Variants in SHISAL2A observed in about 807,000 individuals in gnomAD.
The protein encoded by SHISAL2A is shisa like 2A.
Under a neutral mutation model 11.5 loss-of-function variants are expected in SHISAL2A, and 18 were observed. The observed-to-expected ratio is 1.57, with a 90% CI of 1.08 to 2.33. SHISAL2A has a LOEUF of 2.33. Ranked by LOEUF, SHISAL2A falls within the 30% of genes most tolerant of loss-of-function variation. The probability of loss-of-function intolerance (pLI) is 0.00; values close to 1 mark genes in which losing one functional copy is unlikely to be tolerated. For synonymous variants in SHISAL2A, 94 were observed against 99.6 expected, an observed-to-expected ratio of 0.94 and a Z score of 0.34; for missense variants, 261 against 250.9, an observed-to-expected ratio of 1.04 and a Z score of -0.27.
At chr1:52,652,386 A>G (rs1265022758) in intron 2 of SHISAL2A, among the ~76,000 whole-genome samples, 1 of 152,212 alleles carries the variant, frequency 6.6e-6, no homozygotes, top group Admixed American at 6.5e-5. Flanking sequence ...ACTCTGGGCC[A>G]TATTTCACTC....
intron 2 of SHISAL2A, among the ~76,000 whole-genome samples, chr1:52,647,094 A>G (rs1023540404): frequency 6.6e-6 from 1 of 152,114 alleles, no homozygotes; most frequent in Non-Finnish European, 1.5e-5. Flanking sequence ...TTGGCCTCCC[A>G]AAGTGCTGGG....
chr1:52,664,790 C>G (rs1691978182), intron 4 of SHISAL2A, among the ~76,000 whole-genome samples: 1 of 151,888 alleles, frequency 6.6e-6, no homozygotes, highest in Non-Finnish European at 1.5e-5. Flanking sequence ...GCCGCTGCAC[C>G]CCGGCTATTT....
intron 4 of SHISAL2A, among the ~76,000 whole-genome samples, chr1:52,663,039 G>A (rs1052174669): frequency 2.0e-5 from 3 of 152,134 alleles, no homozygotes; most frequent in African/African-American, 7.2e-5. Flanking sequence ...TAAACCTCCA[G>A]CTCCGGGTTC....
chr1:52,659,215 CCA>C (rs1691859156), downstream of SHISAL2A, among the ~76,000 whole-genome samples: 1 of 152,100 alleles, frequency 6.6e-6, no homozygotes, highest in African/African-American at 2.4e-5. Context: ...CAGGTGCGTG[CCA>C]CTGTGTCCAG....
At chr1:52,651,568 G>A (rs1293063222) in intron 2 of SHISAL2A, among the ~76,000 whole-genome samples, 2 of 151,394 alleles carry the variant, frequency 1.3e-5, no homozygotes, top group Non-Finnish European at 2.9e-5. Context: ...TTTTTGAGAT[G>A]GAGTCTCACC....
At chr1:52,644,814 G>A (rs1369884907) in intron 2 of SHISAL2A, among the ~76,000 whole-genome samples, 1 of 151,954 alleles carries the variant, frequency 6.6e-6, no homozygotes, top group Non-Finnish European at 1.5e-5. Flanking sequence ...TCAGGAGATC[G>A]AGACCATCCT....
chr1:52,649,786 A>G (rs867067111), intron 2 of SHISAL2A, among the ~76,000 whole-genome samples: 2 of 152,224 alleles, frequency 1.3e-5, no homozygotes, highest in South Asian at 2.1e-4. Flanking sequence ...TAGAGGTGAT[A>G]TCTAGGTACA....
In SHISAL2A at chr1:52,633,333, C is replaced by T; in HGVS notation, c.-161C>T. 1 of 656,712 alleles carries T rather than the reference C, an allele frequency of 1.5e-6. No homozygotes were observed. Among genetic ancestry groups the T allele is most frequent in the Non-Finnish European group, 2.3e-6 (1 of 429,116 alleles). 40.7% of individuals were successfully genotyped at this position (656,712 alleles called of 1,614,324 possible). A position where few individuals can be genotyped will look rare whatever the true frequency, so the allele number is the denominator to read the frequency against. ...CTGGCCGCCGCTCGGTCCTCGGGGC[C>T]CCGCGCTGCTGTCTCTGTCTCGGCT... On this transcript the variant is annotated 5_prime_UTR_variant, in exon 1 of 3. Coordinates refer to ENST00000517870, the MANE Select transcript of SHISAL2A (RefSeq NM_001042693.3). This position sits in a 1 kb window ranked among gnomAD's most constrained non-coding sequence, Gnocchi z 6.4.
At chr1:52,653,577 C>T (rs1691722182) in intron 2 of SHISAL2A, among the ~76,000 whole-genome samples, 1 of 151,270 alleles carries the variant, frequency 6.6e-6, no homozygotes, top group Admixed American at 6.6e-5. Context: ...TGTCACTATA[C>T]TCCAACCTGG....
chr1:52,643,880 G>A (rs1571685136), intron 2 of SHISAL2A, among the ~76,000 whole-genome samples: 1 of 137,344 alleles, frequency 7.3e-6, no homozygotes, highest in African/African-American at 2.6e-5. Flanking sequence ...AAGAGAGAAA[G>A]AGAGAGAGAG....
chr1:52,668,048 G>A (rs966340477), intron 5 of SHISAL2A, among the ~76,000 whole-genome samples: 1 of 152,170 alleles, frequency 6.6e-6, no homozygotes, highest in African/African-American at 2.4e-5. Context: ...TAATGTGTGG[G>A]CCCAGAAGAA....
At chr1:52,640,789 A>G (rs559646034) in intron 1 of SHISAL2A, among the ~76,000 whole-genome samples, 1 of 152,238 alleles carries the variant, frequency 6.6e-6, no homozygotes, top group Non-Finnish European at 1.5e-5. Flanking sequence ...CCTGGGTGAT[A>G]GGAGCATCTT....
At chr1:52,645,537 T>C (rs11586650) in intron 2 of SHISAL2A, among the ~76,000 whole-genome samples, 52,989 of 152,144 alleles carry the variant, frequency 0.35, 9,371 homozygotes, top group Middle Eastern at 0.42. Context: ...TTCTCCTGAA[T>C]AGCAGGACTA....
At position 52,656,941 on chromosome 1, in the gene SHISAL2A, CCATCATTG is replaced by C; in HGVS notation, c.476_483del (p.His159LeufsTer9). The C allele has an allele frequency of 6.2e-7, 1 of 1,614,194 alleles. No homozygotes were observed. The highest frequency in any genetic ancestry group is 1.3e-5 in the African/African-American group (1 of 75,038). ...AGGCTGTGAACTCCAAACGCCTCCT[CCATCATTG>C]CTTCATGGCCACAGTGACCACCAGT... On this transcript the variant is annotated frameshift_variant, in exon 3 of 3. Coordinates refer to ENST00000517870, the MANE Select transcript of SHISAL2A (RefSeq NM_001042693.3). LOFTEE classifies it high-confidence loss of function.
chr1:52,646,812 C>G (rs954599310), intron 2 of SHISAL2A, among the ~76,000 whole-genome samples: 4 of 151,792 alleles, frequency 2.6e-5, no homozygotes, highest in African/African-American at 9.7e-5. Context: ...GGTGATTTCA[C>G]TGTTTTGTTT....
chr1:52,654,250 T>C (rs139478443), intron 2 of SHISAL2A, among the ~76,000 whole-genome samples: 3 of 145,706 alleles, frequency 2.1e-5, no homozygotes, highest in African/African-American at 8.3e-5. Flanking sequence ...GATAGATAGA[T>C]AGATAGATAG....
chr1:52,636,525 C>G (rs1401362653), intron 1 of SHISAL2A, among the ~76,000 whole-genome samples: 2 of 152,152 alleles, frequency 1.3e-5, no homozygotes, highest in Non-Finnish European at 2.9e-5. Flanking sequence ...TGAAAGTGAC[C>G]AGTGCATATG....
At position 52,633,364 on chromosome 1, in the gene SHISAL2A, C is replaced by T. The variant is rs1190986367; in HGVS notation, c.-130C>T. On this transcript the variant is annotated 5_prime_UTR_variant, in exon 1 of 3. Transcript: ENST00000517870. This position sits in a 1 kb window ranked among gnomAD's most constrained non-coding sequence, Gnocchi z 6.4. The stretch of plus-strand genomic sequence containing the variant: ...CTGCTGTCTCTGTCTCGGCTTCTCT[C>T]GGCCCCTGGGTCTCTTCGTCTCTGC... 3 of 841,314 alleles carry T rather than the reference C, an allele frequency of 3.6e-6. No homozygotes were observed. The highest frequency in any genetic ancestry group is 5.1e-6 in the Non-Finnish European group (3 of 590,568). 52.1% of individuals were successfully genotyped at this position (841,314 alleles called of 1,614,324 possible).
intron 2 of SHISAL2A, among the ~76,000 whole-genome samples, chr1:52,651,095 A>C (rs1691634830): frequency 6.6e-6 from 1 of 152,138 alleles, no homozygotes; most frequent in African/African-American, 2.4e-5. Flanking sequence ...TTTCAGTTGG[A>C]TAGAACTCAC....
Sources: gnomAD v4.1 joint callset for allele counts (sites outside exome capture counted in the v4.1 genomes callset) on GRCh38, gnomAD v4.1.1 for gene constraint, Gnocchi (gnomAD v3.1) non-coding constraint, MANE v1.5 for transcripts, NCBI Gene and HGNC (gene_info 2026-07-23, HGNC 2026-07-21) for gene names.